ZMYM4: variants seen among roughly 807,000 people sequenced by gnomAD.
The protein encoded by ZMYM4 is zinc finger MYM-type containing 4.
Under a neutral mutation model 183.2 loss-of-function variants are expected in ZMYM4, and 31 were observed. The ratio of observed to expected loss-of-function variants is 0.17; its 90% CI spans 0.13 to 0.23. The LOEUF is 0.23. ZMYM4 is among the 10% of genes least tolerant of loss of function. ZMYM4 has a pLI of 1.00. For synonymous variants in ZMYM4, 592 were observed against 631.2 expected, an observed-to-expected ratio of 0.94 and a Z score of 0.93; for missense variants, 1,273 against 1,840.3, an observed-to-expected ratio of 0.69 and a Z score of 5.64.
chr1:35,377,952 G>C (rs1237400744), intron 7 of ZMYM4, among the ~76,000 whole-genome samples: 1 of 152,210 alleles, frequency 6.6e-6, no homozygotes, highest in Non-Finnish European at 1.5e-5. Flanking sequence ...AGTACTCTCA[G>C]ACTCCACCAT....
In ZMYM4 at chr1:35,397,500, G is replaced by C; in HGVS notation, c.3154G>C (p.Glu1052Gln). Residue 1052 changes from glutamate (E) to glutamine (Q), a missense_variant, in exon 20 of 30, where the codon GAA becomes CAA. By Grantham distance (29) the Glu-to-Gln change is conservative (BLOSUM62 2). Transcript: ENST00000314607. ...PFEADLLEMAEMIAEDEEKKT... is the reference protein window; with the variant it reads ...PFEADLLEMAQMIAEDEEKKT... ...TGAAGCTGATCTCCTTGAGATGGCAGAAATGATTGCAGAAGATGAAGAGAA... is the reference window on the plus strand; with the variant it reads ...TGAAGCTGATCTCCTTGAGATGGCACAAATGATTGCAGAAGATGAAGAGAA... 1 of 1,613,378 alleles carries C rather than the reference G, an allele frequency of 6.2e-7. No homozygotes were observed. The highest frequency in any genetic ancestry group is 8.5e-7 in the Non-Finnish European group (1 of 1,179,634).
chr1:35,321,070 C>T (rs888225164), intron 1 of ZMYM4, among the ~76,000 whole-genome samples: 1 of 152,010 alleles, frequency 6.6e-6, no homozygotes, highest in Non-Finnish European at 1.5e-5. Flanking sequence ...TTTGTATAAC[C>T]CCTGTTATCT....
intron 23 of ZMYM4, among the ~76,000 whole-genome samples, chr1:35,403,080 T>C (rs1644940309): frequency 6.6e-6 from 1 of 152,234 alleles, no homozygotes; most frequent in Non-Finnish European, 1.5e-5. Flanking sequence ...AAATCATGAT[T>C]GGGTATTGAA....
At chr1:35,374,343 G>T (rs1206763927) in intron 7 of ZMYM4, among the ~76,000 whole-genome samples, 1 of 151,724 alleles carries the variant, frequency 6.6e-6, no homozygotes, top group Non-Finnish European at 1.5e-5. Flanking sequence ...ACTCATCATG[G>T]GATTGTAAGA....
intron 10 of ZMYM4, 45 bp downstream of exon 10, chr1:35,385,637 A>G (rs1265454252): frequency 6.4e-7 from 1 of 1,552,670 alleles, no homozygotes; most frequent in Non-Finnish European, 8.7e-7. Context: ...GTTGAAAAAT[A>G]ATGGTTATTG....
chr1:35,319,202 T>C (rs915608485), intron 1 of ZMYM4, among the ~76,000 whole-genome samples: 4 of 152,230 alleles, frequency 2.6e-5, no homozygotes, highest in African/African-American at 9.6e-5. Flanking sequence ...TTTTTAACGT[T>C]TCAAGTGTTT....
intron 19 of ZMYM4, chr1:35,397,145 T>C (rs1644823371): frequency 9.0e-7 from 1 of 1,105,672 alleles, no homozygotes; most frequent in Non-Finnish European, 1.1e-6. Flanking sequence ...ATAGAATTAT[T>C]CTTTTAGAGG....
chr1:35,401,672 T>C (rs1290641335), intron 23 of ZMYM4, among the ~76,000 whole-genome samples: 1 of 152,218 alleles, frequency 6.6e-6, no homozygotes, highest in Admixed American at 6.5e-5. Flanking sequence ...ATACCTCATC[T>C]AAAAATTTTT....
chr1:35,398,414 G>A lies in ZMYM4; in HGVS notation c.3201G>A (p.Glu1067=). ...DEEKKTLSQG[E]SQTSEHELFL... ...TTATGTGCTTTTCTTTTTCTTTAGA[G>A]TCCCAAACTTCTGAACACGAACTCT... The change falls in exon 21 of 30, where the codon GAG becomes GAA. Residue 1067 remains glutamate (E), a splice_region_variant and synonymous_variant. Coordinates refer to ENST00000314607, the MANE Select transcript of ZMYM4 (RefSeq NM_005095.3). 6.2e-7 allele frequency: 1 copy of A among 1,608,782 alleles called. No individual in the cohort carries two copies. The highest frequency in any genetic ancestry group is 8.5e-7 in the Non-Finnish European group (1 of 1,178,180).
chr1:35,292,498 CGG>C (rs1640811123), intron 1 of ZMYM4: 1 of 152,506 alleles, frequency 6.6e-6, no homozygotes, highest in African/African-American at 2.4e-5. Flanking sequence ...CGTCGTGCAG[CGG>C]TTAGTTGTTT....
At chr1:35,269,720 G>A (rs1291132724) in intron 1 of ZMYM4, among the ~76,000 whole-genome samples, 1 of 152,162 alleles carries the variant, frequency 6.6e-6, no homozygotes, top group Non-Finnish European at 1.5e-5. Flanking sequence ...AATACGACAA[G>A]TTTTCTCATA....
chr1:35,421,845 T>C lies in ZMYM4; in HGVS notation c.*2168T>C, dbSNP rs1421685222. ...ACATCAAACAAAAACATCTAAATCA[T>C]CCTTTTTGTTCTTTTTCAGTTTTTA... On this transcript the variant is annotated 3_prime_UTR_variant, in exon 30 of 30. Transcript: ENST00000314607. The C allele has an allele frequency of 2.6e-5, 4 of 152,206 alleles. No individual in the cohort carries two copies. Among genetic ancestry groups the C allele is most frequent in the Non-Finnish European group, 5.9e-5 (4 of 68,028 alleles). 9.4% of individuals were successfully genotyped at this position (152,206 alleles called of 1,614,324 possible).
At chr1:35,341,440 T>G (rs1403304021) in intron 2 of ZMYM4, among the ~76,000 whole-genome samples, 1 of 152,098 alleles carries the variant, frequency 6.6e-6, no homozygotes, top group African/African-American at 2.4e-5. Context: ...AACATTTTAT[T>G]TTCAAGTAAT....
At chr1:35,373,586 C>A (rs139721824) in intron 7 of ZMYM4, among the ~76,000 whole-genome samples, 41 of 138,660 alleles carry the variant, frequency 3.0e-4, no homozygotes, top group African/African-American at 1.0e-3. Context: ...GTAGAGATGG[C>A]GTTTCACCAT....
At chr1:35,350,947 C>T (rs988397372) in intron 2 of ZMYM4, 6 of 673,756 alleles carry the variant, frequency 8.9e-6, no homozygotes, top group African/African-American at 1.8e-5. Flanking sequence ...ATAGTCTGTG[C>T]GGCATATGCA....
At chr1:35,279,645 A>G (rs1198391747) in intron 1 of ZMYM4, among the ~76,000 whole-genome samples, 3 of 152,200 alleles carry the variant, frequency 2.0e-5, no homozygotes, top group African/African-American at 2.4e-5. Context: ...GTATTTTACT[A>G]TAAATATCAA....
intron 1 of ZMYM4, among the ~76,000 whole-genome samples, chr1:35,274,922 T>G (rs1359430244): frequency 6.6e-6 from 1 of 152,176 alleles, no homozygotes. Context: ...TCATATAGGT[T>G]AGAACTTTTG....
chr1:35,324,894 C>G (rs780921642), intron 1 of ZMYM4, among the ~76,000 whole-genome samples: 1 of 152,168 alleles, frequency 6.6e-6, no homozygotes, highest in Non-Finnish European at 1.5e-5. Context: ...CTAACGTACT[C>G]AGTAGGAACC....
At chr1:35,323,911 T>C (rs1570353939) in intron 1 of ZMYM4, among the ~76,000 whole-genome samples, 1 of 152,190 alleles carries the variant, frequency 6.6e-6, no homozygotes, top group Non-Finnish European at 1.5e-5. Context: ...GCTCATTGAC[T>C]GGAATGGTAG....
Sources: gnomAD v4.1 joint callset for allele counts (sites outside exome capture counted in the v4.1 genomes callset) on GRCh38, gnomAD v4.1.1 for gene constraint, MANE v1.5 for transcripts, NCBI Gene and HGNC (gene_info 2026-07-23, HGNC 2026-07-21) for gene names.